CNBD1: variants seen among roughly 807,000 people sequenced by gnomAD.
CNBD1 encodes the protein cyclic nucleotide binding domain containing 1.
A neutral mutation model predicts 54.4 loss-of-function variants in CNBD1; 71 were observed. That is an observed-to-expected ratio of 1.30 (90% CI 1.08 to 1.59). The LOEUF is 1.59. Among genes scored for constraint, CNBD1 ranks in the 40% most tolerant of loss-of-function variants. CNBD1 has a pLI of 0.00. For missense variants in CNBD1, 659 were observed against 518.0 expected, an observed-to-expected ratio of 1.27 and a Z score of -2.64; for synonymous variants, 182 against 170.7, an observed-to-expected ratio of 1.07 and a Z score of -0.51.
At chr8:86,954,265 G>A (rs1253265498) in intron 4 of CNBD1, among the ~76,000 whole-genome samples, 3 of 152,064 alleles carry the variant, frequency 2.0e-5, no homozygotes, top group African/African-American at 7.2e-5. Flanking sequence ...AAACCTTACA[G>A]ACAAATCCAT....
chr8:87,118,125 C>G (rs1443395740), intron 4 of CNBD1, among the ~76,000 whole-genome samples: 3 of 151,762 alleles, frequency 2.0e-5, no homozygotes, highest in Admixed American at 6.6e-5. Context: ...ACCAGCCTGG[C>G]CAACATGGTG....
chr8:87,408,359 C>A (rs1391389185), intron 2 of CNBD1, among the ~76,000 whole-genome samples: 7 of 151,784 alleles, frequency 4.6e-5, no homozygotes, highest in Admixed American at 4.6e-4. Context: ...CTATCAAGTT[C>A]TTCATTTCTG....
At chr8:87,057,273 C>A (rs774099744) in intron 4 of CNBD1, among the ~76,000 whole-genome samples, 2 of 152,046 alleles carry the variant, frequency 1.3e-5, no homozygotes, top group African/African-American at 4.8e-5. Flanking sequence ...GAAAAGGAAG[C>A]AAACACGTTC....
chr8:87,003,772 G>T (rs1041642749), intron 4 of CNBD1, among the ~76,000 whole-genome samples: 2 of 152,134 alleles, frequency 1.3e-5, no homozygotes, highest in Non-Finnish European at 2.9e-5. Context: ...GTGAACTAGG[G>T]TCACCTGCTG....
chr8:87,418,941 C>T (rs1341505134), intron 2 of CNBD1, among the ~76,000 whole-genome samples: 2 of 151,862 alleles, frequency 1.3e-5, no homozygotes, highest in Non-Finnish European at 2.9e-5. Flanking sequence ...CTCAGCAATT[C>T]CACTTCTATG....
chr8:87,313,758 GAT>G (rs1809322951), intron 8 of CNBD1, among the ~76,000 whole-genome samples: 2 of 151,620 alleles, frequency 1.3e-5, no homozygotes, highest in Non-Finnish European at 2.9e-5. Flanking sequence ...TAAATAGAAA[GAT>G]ATAGAAAATA....
intron 4 of CNBD1, among the ~76,000 whole-genome samples, chr8:87,185,540 C>G (rs1017042366): frequency 6.6e-6 from 1 of 152,146 alleles, no homozygotes; most frequent in African/African-American, 2.4e-5. Flanking sequence ...AGCATTTAGT[C>G]TATGGCACAT....
chr8:87,048,776 A>G (rs1469184315), intron 4 of CNBD1, among the ~76,000 whole-genome samples: 1 of 152,176 alleles, frequency 6.6e-6, no homozygotes, highest in Non-Finnish European at 1.5e-5. Flanking sequence ...CTTCTGCCAG[A>G]TAACTTCCTA....
chr8:87,104,530 A>G (rs1468483467), intron 4 of CNBD1, among the ~76,000 whole-genome samples: 2 of 152,178 alleles, frequency 1.3e-5, no homozygotes, highest in African/African-American at 2.4e-5. Context: ...GTGGAGGCAG[A>G]ATAAGTTGGT....
At chr8:87,273,544 G>A (rs1005451677) in intron 6 of CNBD1, among the ~76,000 whole-genome samples, 4 of 151,970 alleles carry the variant, frequency 2.6e-5, no homozygotes, top group African/African-American at 9.7e-5. Flanking sequence ...GCCAAACTGT[G>A]CTCTTGGACT....
Position 87,347,075 on chromosome 8 carries a change from C to T in CNBD1, c.1043-4610C>T, listed in dbSNP as rs190271343. Among the ~76,000 whole-genome samples, 1,020 of 152,274 alleles carry T rather than the reference C, an allele frequency of 6.7e-3. 9 individuals carry two copies. Among genetic ancestry groups the T allele is most frequent in the African/African-American group, 0.024 (984 of 41,566 alleles). ...TTTGGGGGCTTATGTAGGAGGATTTCCACATTTGATCTTTCACACGTACTT... is the reference window on the plus strand; with the variant it reads ...TTTGGGGGCTTATGTAGGAGGATTTTCACATTTGATCTTTCACACGTACTT... On this transcript the variant is annotated intron_variant, in intron 8 of 10. Transcript: ENST00000518476.
At chr8:86,868,629 G>A (rs558973172) in intron 1 of CNBD1, among the ~76,000 whole-genome samples, 1 of 152,178 alleles carries the variant, frequency 6.6e-6, no homozygotes, top group East Asian at 1.9e-4. Context: ...ACCACGCCCC[G>A]GCTGTCTGTA....
At chr8:87,362,465 G>T (rs1329123167) in intron 10 of CNBD1, among the ~76,000 whole-genome samples, 2 of 152,078 alleles carry the variant, frequency 1.3e-5, no homozygotes, top group African/African-American at 2.4e-5. Flanking sequence ...TTTAGCAAGG[G>T]AGTTTAGAAA....
intron 4 of CNBD1, among the ~76,000 whole-genome samples, chr8:87,115,625 G>C (rs1811751900): frequency 6.6e-6 from 1 of 152,114 alleles, no homozygotes; most frequent in South Asian, 2.1e-4. Context: ...GTTATGACAT[G>C]GGAAATAGTT....
chr8:87,243,343 G>GT (rs1807741906), intron 6 of CNBD1, among the ~76,000 whole-genome samples: 1 of 152,156 alleles, frequency 6.6e-6, no homozygotes, highest in African/African-American at 2.4e-5. Context: ...CCAATTAATT[G>GT]TAAGTTCTGC....
intron 8 of CNBD1, among the ~76,000 whole-genome samples, chr8:87,351,250 C>T (rs1810284873): frequency 6.6e-6 from 1 of 152,266 alleles, no homozygotes; most frequent in African/African-American, 2.4e-5. Context: ...AGTGTTAGTA[C>T]AGCCCAAGAT....
rs78052090 is a variant in CNBD1, at chr8:86,871,054, G to T, written c.88+4471G>T. On this transcript the variant is annotated intron_variant, in intron 1 of 10. Transcript: ENST00000518476. ...TGTTTTATTGTAAAGCAAACATTTAGTATTTTTTTCCTACTACTGTTATAA... is the reference window on the plus strand; with the variant it reads ...TGTTTTATTGTAAAGCAAACATTTATTATTTTTTTCCTACTACTGTTATAA... 1.2e-3 allele frequency among the ~76,000 whole-genome samples: 177 copies of T among 152,256 alleles called. 3 individuals carry two copies. The East Asian group carries it at 0.032, about 27-fold the overall frequency.
intron 10 of CNBD1, among the ~76,000 whole-genome samples, chr8:87,363,655 T>C (rs1029930281): frequency 2.9e-5 from 4 of 136,028 alleles, no homozygotes; most frequent in Non-Finnish European, 6.7e-5. Flanking sequence ...ATGTCTTCTT[T>C]TGAGGAGTGT....
intron 4 of CNBD1, among the ~76,000 whole-genome samples, chr8:87,098,496 A>G: frequency 6.6e-6 from 1 of 152,184 alleles, no homozygotes; most frequent in Non-Finnish European, 1.5e-5. Flanking sequence ...GTTAAGACTT[A>G]AAACATGAGC....
Sources: allele counts gnomAD v4.1 joint callset (sites outside exome capture counted in the v4.1 genomes callset), GRCh38; gene constraint gnomAD v4.1.1; transcripts MANE v1.5; gene names NCBI Gene and HGNC (gene_info 2026-07-23, HGNC 2026-07-21).